ARB2A: variants seen among roughly 807,000 people sequenced by gnomAD.
ARB2A encodes the protein ARB2 cotranscriptional regulator A, also known as cotranscriptional regulator ARB2A.
the ARB2A span, among the ~76,000 whole-genome samples, chr5:93,694,855 A>T: frequency 6.6e-6 from 1 of 152,190 alleles, no homozygotes; most frequent in South Asian, 2.1e-4. Flanking sequence ...TGACCAATGG[A>T]ACAGAACAGA....
chr5:93,634,062 C>T, the ARB2A span, among the ~76,000 whole-genome samples: 19 of 152,030 alleles, frequency 1.2e-4, no homozygotes, highest in Non-Finnish European at 2.4e-4. Context: ...TGGGCTTGGT[C>T]GCAAATCTAC....
the ARB2A span, among the ~76,000 whole-genome samples, chr5:94,107,483 C>A: frequency 6.6e-6 from 1 of 150,580 alleles, no homozygotes; most frequent in Non-Finnish European, 1.5e-5. Context: ...CGTAGCACCC[C>A]CAAGAGTATC....
the ARB2A span, among the ~76,000 whole-genome samples, chr5:93,935,808 G>C: frequency 1.3e-5 from 2 of 152,096 alleles, no homozygotes; most frequent in Non-Finnish European, 2.9e-5. Context: ...CAGAATCTGA[G>C]TTCAAAATGA....
At chr5:93,789,921 GACCAAA>G in the ARB2A span, among the ~76,000 whole-genome samples, 1 of 152,154 alleles carries the variant, frequency 6.6e-6, no homozygotes, top group Non-Finnish European at 1.5e-5. Context: ...AAAATGTGAA[GACCAAA>G]CTGCCCAGCA....
chr5:94,074,612 G>T, the ARB2A span: 3 of 1,541,726 alleles, frequency 1.9e-6, no homozygotes, highest in Non-Finnish European at 8.9e-7. Context: ...TAGGCACAAT[G>T]AAAATTTCCT....
the ARB2A span, among the ~76,000 whole-genome samples, chr5:93,921,722 A>G: frequency 6.6e-6 from 1 of 152,214 alleles, no homozygotes; most frequent in African/African-American, 2.4e-5. Context: ...GACTGTTCTC[A>G]TCTATAAAGC....
At chr5:93,863,392 G>C in the ARB2A span, 1 of 151,738 alleles carries the variant, frequency 6.6e-6, no homozygotes, top group African/African-American at 2.4e-5. Context: ...AGTAGCTGGG[G>C]CTACCGGCAC....
chr5:94,109,101 T>C, the ARB2A span, among the ~76,000 whole-genome samples: 1 of 152,182 alleles, frequency 6.6e-6, no homozygotes, highest in Non-Finnish European at 1.5e-5. Context: ...GTATTTCACC[T>C]TAAAAAGAAC....
chr5:93,912,208 T>C, the ARB2A span, among the ~76,000 whole-genome samples: 1 of 151,716 alleles, frequency 6.6e-6, no homozygotes, highest in Non-Finnish European at 1.5e-5. Context: ...AGAATTCTAA[T>C]TTACTCTGGT....
chr5:93,637,359 T>TTG, the ARB2A span, among the ~76,000 whole-genome samples: 1 of 103,448 alleles, frequency 9.7e-6, no homozygotes, highest in South Asian at 2.5e-4. Flanking sequence ...GTTTAGTTTT[T>TTG]TTTTTTTTTT....
chr5:93,706,626 G>C, the ARB2A span, among the ~76,000 whole-genome samples: 1 of 152,208 alleles, frequency 6.6e-6, no homozygotes, highest in Admixed American at 6.5e-5. Context: ...CCAGGACTTT[G>C]GGCAGCCGAG....
At chr5:93,775,398 C>T in the ARB2A span, among the ~76,000 whole-genome samples, 7 of 152,196 alleles carry the variant, frequency 4.6e-5, no homozygotes, top group African/African-American at 9.7e-5. Flanking sequence ...TCAGTTATAA[C>T]GAGATGCCAC....
chr5:94,085,012 G>A, the ARB2A span, among the ~76,000 whole-genome samples: 7 of 152,172 alleles, frequency 4.6e-5, no homozygotes, highest in Middle Eastern at 3.4e-3. Flanking sequence ...TAAGAAGTCC[G>A]ACAATACCAA....
chr5:93,740,042 C>T, the ARB2A span: 1 of 150,340 alleles, frequency 6.7e-6, no homozygotes, highest in South Asian at 2.1e-4. Context: ...TCAGGTGTTT[C>T]AGCAAGGGCT....
the ARB2A span, chr5:93,741,020 G>A: frequency 1.2e-6 from 2 of 1,613,798 alleles, no homozygotes; most frequent in Non-Finnish European, 1.7e-6. Flanking sequence ...TTCAGCAGTG[G>A]TCGCAGCTTC....
At chr5:93,881,708 G>C in the ARB2A span, 1 of 1,435,310 alleles carries the variant, frequency 7.0e-7, no homozygotes, top group Non-Finnish European at 9.3e-7. Context: ...AATGAAAGAA[G>C]GTAGCATAAT....
chr5:93,994,865 C>T, the ARB2A span, among the ~76,000 whole-genome samples: 6 of 151,862 alleles, frequency 4.0e-5, no homozygotes, highest in East Asian at 9.7e-4. Flanking sequence ...GAGATTGCAC[C>T]ATGGCACTCC....
chr5:93,774,955 A>G, the ARB2A span, among the ~76,000 whole-genome samples: 1 of 152,346 alleles, frequency 6.6e-6, no homozygotes, highest in East Asian at 1.9e-4. Context: ...GTGACTTCAC[A>G]TTATATAACT....
the ARB2A span, among the ~76,000 whole-genome samples, chr5:93,764,247 A>C: frequency 0.19 from 28,264 of 152,156 alleles, 3,032 homozygotes; most frequent in Middle Eastern, 0.28. Flanking sequence ...TCAAAAAATT[A>C]ATGAATCCAG....
Sources: allele counts gnomAD v4.1 joint callset (sites outside exome capture counted in the v4.1 genomes callset), GRCh38; gene constraint gnomAD v4.1.1; transcripts MANE v1.5; gene names NCBI Gene and HGNC (gene_info 2026-07-23, HGNC 2026-07-21).